PDE1A: variants seen among roughly 807,000 people sequenced by gnomAD.
The protein encoded by PDE1A is dual specificity calcium/calmodulin-dependent 3',5'-cyclic nucleotide phosphodiesterase 1A.
A neutral mutation model predicts 61.7 loss-of-function variants in PDE1A; 35 were observed. The observed-to-expected ratio is 0.57, with a 90% CI of 0.43 to 0.75. The LOEUF is 0.75. Ranked by LOEUF, PDE1A falls within the 30% of genes least tolerant of loss-of-function variation. The probability of loss-of-function intolerance (pLI) is 0.00; values close to 1 mark genes in which losing one functional copy is unlikely to be tolerated. For missense variants in PDE1A, 597 were observed against 630.6 expected (o/e 0.95, Z 0.57); for synonymous variants, 232 against 213.2 (o/e 1.09, Z -0.77).
intron 1 of PDE1A, among the ~76,000 whole-genome samples, chr2:182,305,472 T>C (rs570380169): frequency 4.0e-4 from 61 of 152,292 alleles, no homozygotes; most frequent in Middle Eastern, 3.4e-3. Flanking sequence ...TCATGAACTA[T>C]AGTTTGCTGA....
chr2:182,184,007 GAAGAAAGAAAGAAAGAAAGAAAGA>G (rs36010429), intron 13 of PDE1A, among the ~76,000 whole-genome samples: 20,660 of 134,718 alleles, frequency 0.15, 1,997 homozygotes, highest in East Asian at 0.33. Context: ...GAAAGGAAGA[GAAGAAAGAAAGAAAGAAAGAAAGA>G]AAGAAAGAAA....
the PDE1A span, among the ~76,000 whole-genome samples, chr2:182,709,238 A>T: frequency 6.6e-6 from 1 of 152,118 alleles, no homozygotes; most frequent in Non-Finnish European, 1.5e-5. Context: ...TCAGCCCCAA[A>T]TTAAGTCTTT....
rs1392405048 is a variant in PDE1A at position 182,176,876 on chromosome 2, T to C, written c.1517-8586A>G. Among the ~76,000 whole-genome samples, 48 of 150,476 alleles carry C rather than the reference T, an allele frequency of 3.2e-4. 1 individual carries two copies. The highest frequency in any genetic ancestry group is 1.1e-3 in the African/African-American group (45 of 40,926). On this transcript the variant is annotated intron_variant, in intron 13 of 13. Coordinates refer to ENST00000351439, the Ensembl canonical transcript of PDE1A. Reference sequence around the variant, plus strand: ...ATACGTCCCATCAATACCTAATTTATTGAGAGTTTTTAGCATGAAGAGTTG... The same window carrying C: ...ATACGTCCCATCAATACCTAATTTACTGAGAGTTTTTAGCATGAAGAGTTG...
At chr2:182,440,458 A>G (rs1334879007) in intron 2 of PDE1A, among the ~76,000 whole-genome samples, 3 of 152,158 alleles carry the variant, frequency 2.0e-5, no homozygotes, top group African/African-American at 7.2e-5. Flanking sequence ...AAATCATACC[A>G]CATAGCTGTC....
chr2:182,236,453 C>T (rs756574932), intron 3 of PDE1A, among the ~76,000 whole-genome samples: 5 of 151,128 alleles, frequency 3.3e-5, no homozygotes, highest in East Asian at 1.9e-4. Flanking sequence ...CAGGCAAAAG[C>T]GTCAATATAA....
the PDE1A span, among the ~76,000 whole-genome samples, chr2:182,712,609 T>C: frequency 6.6e-6 from 1 of 152,248 alleles, no homozygotes; most frequent in South Asian, 2.1e-4. Flanking sequence ...TAAGCTGGAG[T>C]GCAGTGGCCT....
chr2:182,460,752 A>G (rs569042517), intron 2 of PDE1A, among the ~76,000 whole-genome samples: 1 of 152,352 alleles, frequency 6.6e-6, no homozygotes, highest in Non-Finnish European at 1.5e-5. Context: ...ATTCTGCTGA[A>G]TAACTATAAC....
intron 1 of PDE1A, among the ~76,000 whole-genome samples, chr2:182,420,602 C>T (rs538565273): frequency 2.6e-5 from 4 of 152,224 alleles, no homozygotes; most frequent in African/African-American, 4.8e-5. Context: ...AATACATATA[C>T]AATTAATATT....
the PDE1A span, among the ~76,000 whole-genome samples, chr2:182,610,850 AATT>A: frequency 1.1e-4 from 17 of 152,244 alleles, no homozygotes; most frequent in African/African-American, 4.1e-4. Flanking sequence ...TATAAACTTG[AATT>A]ATTAACAATA....
chr2:182,416,386 C>G (rs973110116), intron 1 of PDE1A, among the ~76,000 whole-genome samples: 4 of 152,174 alleles, frequency 2.6e-5, no homozygotes, highest in Non-Finnish European at 4.4e-5. Context: ...CACATAACTT[C>G]CATCTGTTAT....
At chr2:182,467,049 T>C (rs553084868) in intron 2 of PDE1A, among the ~76,000 whole-genome samples, 3 of 150,530 alleles carry the variant, frequency 2.0e-5, no homozygotes, top group East Asian at 4.0e-4. Context: ...ATAGCTTATA[T>C]CTTGGGAAGG....
chr2:182,279,169 T>C (rs1693637005), intron 1 of PDE1A, among the ~76,000 whole-genome samples: 1 of 151,984 alleles, frequency 6.6e-6, no homozygotes, highest in African/African-American at 2.4e-5. Flanking sequence ...TTTCATCTTA[T>C]GTAGGCAATG....
chr2:182,419,036 T>C (rs960186433), intron 1 of PDE1A, among the ~76,000 whole-genome samples: 1 of 151,590 alleles, frequency 6.6e-6, no homozygotes. Flanking sequence ...CAAGAGAAAG[T>C]TTAAATCCTT....
At chr2:182,349,774 A>G (rs1330666362) in intron 1 of PDE1A, among the ~76,000 whole-genome samples, 1 of 152,188 alleles carries the variant, frequency 6.6e-6, no homozygotes, top group African/African-American at 2.4e-5. Context: ...AAAAACAAAA[A>G]CAAAAGCACA....
At chr2:182,194,513 C>T (rs2125438404) in intron 10 of PDE1A, among the ~76,000 whole-genome samples, 1 of 152,240 alleles carries the variant, frequency 6.6e-6, no homozygotes, top group East Asian at 1.9e-4. Flanking sequence ...ATAAATATCA[C>T]AGGCTTGTTG....
At chr2:182,151,406 C>G (rs1434995509) in intron 13 of PDE1A, among the ~76,000 whole-genome samples, 2 of 152,066 alleles carry the variant, frequency 1.3e-5, no homozygotes, top group South Asian at 2.1e-4. Context: ...CGCCCTGCCC[C>G]CCTCACAGCA....
intron 13 of PDE1A, among the ~76,000 whole-genome samples, chr2:182,157,123 TC>T (rs1691134694): frequency 6.6e-6 from 1 of 151,752 alleles, no homozygotes; most frequent in South Asian, 2.1e-4. Context: ...CAATCGATTC[TC>T]CTGGCTCAGC....
chr2:182,627,263 A>C, the PDE1A span, among the ~76,000 whole-genome samples: 7 of 101,994 alleles, frequency 6.9e-5, 1 homozygote, highest in African/African-American at 2.9e-4. Context: ...TATATTATTT[A>C]TATATAAATA....
At chr2:182,463,824 T>C (rs1310961738) in intron 2 of PDE1A, among the ~76,000 whole-genome samples, 1 of 152,120 alleles carries the variant, frequency 6.6e-6, no homozygotes, top group Non-Finnish European at 1.5e-5. Flanking sequence ...ATTTTCAAAA[T>C]CATAGACAAG....
Sources: allele counts gnomAD v4.1 joint callset (sites outside exome capture counted in the v4.1 genomes callset), GRCh38; gene constraint gnomAD v4.1.1; transcripts MANE v1.5; gene names NCBI Gene and HGNC (gene_info 2026-07-23, HGNC 2026-07-21).